The following DNAH8 variants were observed in gnomAD, a reference collection of about 807,000 sequenced individuals.
The protein encoded by DNAH8 is axonemal beta dynein heavy chain 8.
Under a neutral mutation model 562.1 loss-of-function variants are expected in DNAH8, and 382 were observed. The ratio of observed to expected loss-of-function variants is 0.68; its 90% confidence interval spans 0.63 to 0.74. DNAH8 has a LOEUF of 0.74. DNAH8 is among the 30% of genes least tolerant of loss of function. The pLI is 0.00. For missense variants in DNAH8, 5,203 were observed against 5,620.4 expected (o/e 0.93, Z 2.37); for synonymous variants, 1,881 against 1,919.4 (o/e 0.98, Z 0.52).
At chr6:38,930,876 A>G (rs1052493054) in intron 75 of DNAH8, among the ~76,000 whole-genome samples, 11 of 152,116 alleles carry the variant, frequency 7.2e-5, no homozygotes, top group African/African-American at 2.4e-4. Context: ...CTTATCACTG[A>G]AAGTTTGTAC....
intron 8 of DNAH8, among the ~76,000 whole-genome samples, chr6:38,750,077 C>A (rs551502988): frequency 7.2e-5 from 11 of 152,300 alleles, no homozygotes; most frequent in Admixed American, 2.0e-4. Context: ...TGTGATCCGC[C>A]CACCTTGGCT....
rs146311829 is a variant in DNAH8, at chr6:38,783,115, A to G, written c.2371A>G (p.Arg791Gly). The G allele has an allele frequency of 1.9e-6, 3 of 1,613,864 alleles. No individual in the cohort carries two copies. The highest frequency in any genetic ancestry group is 2.5e-6 in the Non-Finnish European group (3 of 1,179,914). Residue 791 changes from arginine to glycine, a missense_variant, in exon 17 of 93, where the codon AGA becomes GGA. Transcript: ENST00000327475. The stretch of plus-strand genomic sequence containing the variant: ...GGTGGTCTATCACACAGCCTGGATC[A>G]GAGAGATTTCACAGTTGCATTACGG... ...FEVVYHTAWI[R>G]EISQLHYALQ...
At chr6:38,927,295 T>A (rs1234468070) in intron 74 of DNAH8, among the ~76,000 whole-genome samples, 2 of 152,170 alleles carry the variant, frequency 1.3e-5, no homozygotes, top group African/African-American at 4.8e-5. Context: ...ATAACAAACA[T>A]CCTATTTAGT....
intron 82 of DNAH8, among the ~76,000 whole-genome samples, chr6:38,965,954 TAGAAA>T (rs1338111196): frequency 4.6e-5 from 7 of 152,044 alleles, no homozygotes; most frequent in Non-Finnish European, 1.0e-4. Context: ...TTAAGAAACT[TAGAAA>T]AGAAGAGCAA....
chr6:38,772,971 C>CTTTTTTTTTTT (rs58784448), intron 12 of DNAH8, among the ~76,000 whole-genome samples: 2,552 of 87,858 alleles, frequency 0.029, 367 homozygotes, highest in Middle Eastern at 0.051. Flanking sequence ...GCTAATTAAA[C>CTTTTTTTTTTT]TTTTTTTTTT....
chr6:38,786,632 C>T (rs915309321), intron 17 of DNAH8, 133 bp from the exon 18 acceptor site: 8 of 814,280 alleles, frequency 9.8e-6, no homozygotes, highest in Non-Finnish European at 1.5e-5. Context: ...TGTGCCTTAG[C>T]ACCTGGGGCA....
At chr6:38,846,360 T>C (rs1775302724) in intron 36 of DNAH8, among the ~76,000 whole-genome samples, 1 of 152,230 alleles carries the variant, frequency 6.6e-6, no homozygotes, top group Non-Finnish European at 1.5e-5. Context: ...GAAATTCCTG[T>C]AGGACTCAGA....
chr6:38,985,326 T>C (rs1261541189), intron 87 of DNAH8, among the ~76,000 whole-genome samples: 2 of 152,224 alleles, frequency 1.3e-5, no homozygotes, highest in Non-Finnish European at 2.9e-5. Flanking sequence ...CAGATGTCTT[T>C]TATGGTTATT....
chr6:38,731,842 G>A (rs548973362), intron 4 of DNAH8, among the ~76,000 whole-genome samples: 14 of 152,292 alleles, frequency 9.2e-5, no homozygotes, highest in African/African-American at 3.1e-4. Context: ...AGCCTCCTGA[G>A]TAGCTGGGAT....
At chr6:38,867,977 A>T (rs561198756) in intron 47 of DNAH8, 85 bp from the exon 48 acceptor site, 229 of 1,356,376 alleles carry the variant, frequency 1.7e-4, no homozygotes, top group Non-Finnish European at 1.9e-4. Flanking sequence ...AAGTATCAGA[A>T]TCGACCTATA....
intron 10 of DNAH8, among the ~76,000 whole-genome samples, chr6:38,758,740 G>T (rs934608334): frequency 2.6e-5 from 4 of 152,200 alleles, no homozygotes; most frequent in South Asian, 4.1e-4. Context: ...TATCATGAAG[G>T]GTTGTTGAAT....
At chr6:38,937,080 C>T (rs1783033697) in intron 77 of DNAH8, among the ~76,000 whole-genome samples, 1 of 152,134 alleles carries the variant, frequency 6.6e-6, no homozygotes, top group South Asian at 2.1e-4. Context: ...TGGAAACCAT[C>T]ATTCTCAGCA....
intron 88 of DNAH8, among the ~76,000 whole-genome samples, chr6:38,994,062 ACAGAG>A (rs71787899): frequency 0.4 from 60,033 of 151,516 alleles, 12,224 homozygotes; most frequent in Non-Finnish European, 0.45. Context: ...AATCTCATCA[ACAGAG>A]CGCTGGTGAG....
intron 10 of DNAH8, among the ~76,000 whole-genome samples, chr6:38,759,566 C>G (rs1766294210): frequency 1.3e-5 from 2 of 152,240 alleles, no homozygotes; most frequent in African/African-American, 4.8e-5. Context: ...TTAGTTCTGA[C>G]AATGATTCTT....
intron 92 of DNAH8, among the ~76,000 whole-genome samples, chr6:39,029,296 C>A (rs974743709): frequency 1.3e-5 from 2 of 152,100 alleles, no homozygotes; most frequent in Admixed American, 1.3e-4. Context: ...CCAAACACAG[C>A]CCCCTGCTGC....
chr6:38,880,953 G>A (rs981907627), intron 53 of DNAH8, among the ~76,000 whole-genome samples: 1 of 152,164 alleles, frequency 6.6e-6, no homozygotes, highest in Non-Finnish European at 1.5e-5. Context: ...GCTTGAACCC[G>A]GAGATGGAGG....
chr6:38,942,037 A>G (rs542492517), intron 79 of DNAH8, among the ~76,000 whole-genome samples: 3 of 152,156 alleles, frequency 2.0e-5, no homozygotes, highest in African/African-American at 4.8e-5. Flanking sequence ...CCACCATGTC[A>G]GGACACCATG....
At chr6:38,785,957 A>C (rs1769120030) in intron 17 of DNAH8, among the ~76,000 whole-genome samples, 1 of 152,188 alleles carries the variant, frequency 6.6e-6, no homozygotes, top group African/African-American at 2.4e-5. Flanking sequence ...TCAACAAAAC[A>C]ATGTGAGGTT....
rs368543739 is a variant in DNAH8 at position 38,981,028 on chromosome 6, A to AGTGTGTGTGTGT, written c.12835-1295_12835-1284dup. Among the ~76,000 whole-genome samples the AGTGTGTGTGTGT allele has an allele frequency of 1.7e-3, 246 of 145,716 alleles. 3 individuals are homozygous for AGTGTGTGTGTGT. In the South Asian group the frequency reaches 0.019, roughly 11 times the overall value. On this transcript the variant is annotated intron_variant, in intron 85 of 92. Coordinates refer to ENST00000327475, the MANE Select transcript of DNAH8 (RefSeq NM_001206927.2). ...GATTGGAATGGCTTGTGAAAACGGC[A>AGTGTGTGTGTGT]GTGTGTGTGTGTGTGTGTGTGTGTG...
Sources: allele counts gnomAD v4.1 joint callset (sites outside exome capture counted in the v4.1 genomes callset), GRCh38; gene constraint gnomAD v4.1.1; transcripts MANE v1.5; gene names NCBI Gene and HGNC (gene_info 2026-07-23, HGNC 2026-07-21).